The following OSBPL10 variants were observed in gnomAD, a reference collection of about 807,000 sequenced individuals.
OSBPL10 encodes oxysterol binding protein like 10, also known as oxysterol-binding protein-related protein 10.
Under a neutral mutation model 81.7 loss-of-function variants are expected in OSBPL10, and 49 were observed. The ratio of observed to expected loss-of-function variants is 0.60; its 90% confidence interval spans 0.48 to 0.76. OSBPL10 has a LOEUF of 0.76. OSBPL10 is among the 30% of genes least tolerant of loss of function. OSBPL10 has a pLI of 0.00. For synonymous variants in OSBPL10, 419 were observed against 383.6 expected (o/e 1.09, Z -1.08); for missense variants, 923 against 987.8 (o/e 0.93, Z 0.88).
At chr3:31,859,089 T>A (rs1457150020) in intron 3 of OSBPL10, among the ~76,000 whole-genome samples, 1 of 152,242 alleles carries the variant, frequency 6.6e-6, no homozygotes, top group Non-Finnish European at 1.5e-5. Flanking sequence ...GAGACATTAC[T>A]CGTTTACTGA....
At chr3:31,766,015 A>G (rs917301339) in intron 4 of OSBPL10, among the ~76,000 whole-genome samples, 1 of 152,028 alleles carries the variant, frequency 6.6e-6, no homozygotes, top group South Asian at 2.1e-4. Flanking sequence ...CCTGGTCTCT[A>G]TGGTCGCTGG....
chr3:31,718,478 C>G (rs1463072719), intron 6 of OSBPL10, among the ~76,000 whole-genome samples: 1 of 152,172 alleles, frequency 6.6e-6, no homozygotes, highest in Non-Finnish European at 1.5e-5. Flanking sequence ...ACTTTCCAAG[C>G]TAGGTTTTCT....
At chr3:31,666,505 G>A (rs562988916) in intron 10 of OSBPL10, among the ~76,000 whole-genome samples, 1 of 152,290 alleles carries the variant, frequency 6.6e-6, no homozygotes, top group Admixed American at 6.5e-5. Context: ...ACACCCGGCT[G>A]GGAGAGTGAA....
intron 6 of OSBPL10, chr3:31,709,232 G>T (rs1047698771): frequency 1.0e-4 from 18 of 172,472 alleles, no homozygotes; most frequent in Non-Finnish European, 2.1e-4. Flanking sequence ...GCCTCCCAGG[G>T]GATGAGCTGG....
chr3:31,997,915 G>A (rs968801695), intron 2 of OSBPL10, among the ~76,000 whole-genome samples: 1 of 152,058 alleles, frequency 6.6e-6, no homozygotes, highest in Non-Finnish European at 1.5e-5. Flanking sequence ...AGCCTCCCGA[G>A]TAGCTGGGAC....
At chr3:32,054,008 G>A (rs1467486932) in intron 1 of OSBPL10, among the ~76,000 whole-genome samples, 1 of 152,050 alleles carries the variant, frequency 6.6e-6, no homozygotes, top group African/African-American at 2.4e-5. Context: ...TTTGGGTTTT[G>A]TTTGACTTTT....
intron 8 of OSBPL10, 90 bp from the exon 9 acceptor site, chr3:31,671,073 C>T: frequency 1.6e-6 from 2 of 1,256,134 alleles, no homozygotes; most frequent in East Asian, 2.6e-5. Context: ...AACCAAAGAG[C>T]CTCCTGCACA....
intron 2 of OSBPL10, among the ~76,000 whole-genome samples, chr3:32,044,521 C>A (rs1032430475): frequency 6.6e-6 from 1 of 151,320 alleles, no homozygotes; most frequent in Non-Finnish European, 1.5e-5. Context: ...GCGGGCAGAT[C>A]ACTTGAGCTC....
chr3:31,829,772 T>C (rs1468480824), intron 4 of OSBPL10, among the ~76,000 whole-genome samples: 1 of 152,250 alleles, frequency 6.6e-6, no homozygotes, highest in Non-Finnish European at 1.5e-5. Context: ...TTAACTGTAC[T>C]TCATTTACAT....
chr3:31,926,294 C>CCCCCCCG lies in OSBPL10; in HGVS notation c.282-46465_282-46464insCGGGGGG, dbSNP rs946865908. Among the ~76,000 whole-genome samples, 26 of 148,030 alleles carry CCCCCCCG rather than the reference C, an allele frequency of 1.8e-4. No individual in the cohort carries two copies. The East Asian group carries it at 3.1e-3, about 17-fold the overall frequency. On this transcript the variant is annotated intron_variant, in intron 1 of 11. Coordinates refer to ENST00000396556, the MANE Select transcript of OSBPL10 (RefSeq NM_017784.5). ...TCTCAACCATGGGTGATTTTGCCCC[C>CCCCCCCG]CCAGAGGATAGCTGCAATGTCTGGA...
At chr3:31,857,902 G>A (rs897841089) in intron 3 of OSBPL10, among the ~76,000 whole-genome samples, 1 of 148,656 alleles carries the variant, frequency 6.7e-6, no homozygotes, top group Non-Finnish European at 1.5e-5. Flanking sequence ...GAGAAAGAGA[G>A]AGAGAGATAC....
chr3:31,698,333 C>T (rs190744018), intron 7 of OSBPL10, among the ~76,000 whole-genome samples: 7 of 151,992 alleles, frequency 4.6e-5, no homozygotes, highest in Admixed American at 2.6e-4. Flanking sequence ...CACCTGTGAT[C>T]GCAGCTATTT....
intron 1 of OSBPL10, among the ~76,000 whole-genome samples, chr3:32,072,721 A>G (rs1396676159): frequency 6.6e-6 from 1 of 152,128 alleles, no homozygotes; most frequent in African/African-American, 2.4e-5. Context: ...ACCCTCGCCC[A>G]GGAGTGGCAA....
intron 6 of OSBPL10, among the ~76,000 whole-genome samples, chr3:31,703,366 CA>C (rs1446715454): frequency 1.3e-5 from 2 of 152,208 alleles, no homozygotes; most frequent in African/African-American, 4.8e-5. Context: ...TACATATAAG[CA>C]AAAGCACTCT....
rs150029257 is a variant in OSBPL10, at chr3:31,727,859, G to C, written c.1095+5398C>G. 2.6e-5 allele frequency among the ~76,000 whole-genome samples: 4 copies of C among 152,308 alleles called. No homozygotes were observed. The East Asian group carries it at 7.7e-4, about 29-fold the overall frequency. On this transcript the variant is annotated intron_variant, in intron 6 of 11. Transcript: ENST00000396556. ...AAATTTAAAAAAATGATAAAAATGT[G>C]TTGAGGGGATTGTACTGGCCAGGCT...
At chr3:32,041,484 C>T (rs1559553818) in intron 2 of OSBPL10, among the ~76,000 whole-genome samples, 1 of 152,118 alleles carries the variant, frequency 6.6e-6, no homozygotes, top group Admixed American at 6.5e-5. Context: ...TTTCCTTCTG[C>T]TGCAGCACAC....
At chr3:31,873,592 C>T (rs1701383837) in intron 3 of OSBPL10, among the ~76,000 whole-genome samples, 2 of 152,102 alleles carry the variant, frequency 1.3e-5, no homozygotes, top group African/African-American at 4.8e-5. Context: ...TTTTCCCACC[C>T]TGAACACGAT....
chr3:31,895,623 A>G (rs1696032630), intron 1 of OSBPL10, among the ~76,000 whole-genome samples: 2 of 152,166 alleles, frequency 1.3e-5, no homozygotes, highest in Admixed American at 6.5e-5. Flanking sequence ...GCTGAACACA[A>G]TTCCTAACTG....
At chr3:31,995,453 G>C (rs1699081641) in intron 2 of OSBPL10, among the ~76,000 whole-genome samples, 1 of 152,112 alleles carries the variant, frequency 6.6e-6, no homozygotes, top group Non-Finnish European at 1.5e-5. Flanking sequence ...AGAAAAATAT[G>C]GCTCTTTTTG....
Sources: allele counts gnomAD v4.1 joint callset (sites outside exome capture counted in the v4.1 genomes callset), GRCh38; gene constraint gnomAD v4.1.1; transcripts MANE v1.5; gene names NCBI Gene and HGNC (gene_info 2026-07-23, HGNC 2026-07-21).